SALL3: variants seen among roughly 807,000 people sequenced by gnomAD.
The protein encoded by SALL3 is sal-like protein 3.
A neutral mutation model predicts 66.2 loss-of-function variants in SALL3; 25 were observed. That is an observed-to-expected ratio of 0.38 (90% CI 0.28 to 0.53). The LOEUF is 0.53. SALL3 is among the 20% of genes least tolerant of loss of function. The pLI is 0.85. For synonymous variants in SALL3, 1,152 were observed against 899.1 expected, an observed-to-expected ratio of 1.28 and a Z score of -5.03; for missense variants, 2,194 against 1,916.5, an observed-to-expected ratio of 1.14 and a Z score of -2.70.
rs1206529921 is a variant in SALL3 at position 78,993,180 on chromosome 18, C to T, written c.1189C>T (p.Arg397Cys). Residue 397 changes from arginine to cysteine, a missense_variant, in exon 2 of 3, where the codon CGC (arginine) becomes TGC (cysteine). Arg to Cys is a radical substitution (Grantham distance 180). Coordinates refer to ENST00000537592, the MANE Select transcript of SALL3 (RefSeq NM_171999.4). The stretch of plus-strand genomic sequence containing the variant: ...CCCGCTGTCCGCGCTCATGAAGCAC[C>T]GCAAGGGCAAGCCGCCCAATGTGTC... The part of the protein sequence containing the change: ...LDPLSALMKH[R>C]KGKPPNVSVF... The T allele has an allele frequency of 1.9e-6, 3 of 1,609,916 alleles. No individual in the cohort carries two copies. The highest frequency in any genetic ancestry group is 2.2e-5 in the East Asian group (1 of 44,730).
intron 1 of SALL3, among the ~76,000 whole-genome samples, chr18:78,981,401 A>G (rs1914067140): frequency 6.6e-6 from 1 of 152,230 alleles, no homozygotes; most frequent in Admixed American, 6.5e-5. Flanking sequence ...CAGGCAGGCC[A>G]ACTTTTATGA....
chr18:78,984,242 A>G (rs549686034), intron 1 of SALL3, among the ~76,000 whole-genome samples: 2 of 152,334 alleles, frequency 1.3e-5, no homozygotes, highest in East Asian at 3.9e-4. Flanking sequence ...GGGGGAATTC[A>G]GCAAAAGCAC....
rs1914737758 is a variant in SALL3 at position 78,997,447 on chromosome 18, GC to G, written c.*127del. The G allele has an allele frequency of 4.2e-6, 4 of 959,184 alleles. No individual in the cohort carries two copies. Among genetic ancestry groups the G allele is most frequent in the Non-Finnish European group, 6.2e-6 (4 of 640,940 alleles). The allele number at this position is 959,184 out of a possible 1,614,324, so 59.4% of individuals were successfully genotyped here. ...ATAGCAGAAAACACTTTGTGCGGCT[GC>G]CGAGAGGTGGTCTTGTAAGCGCTGC... On this transcript the variant is annotated 3_prime_UTR_variant, in exon 3 of 3. Transcript: ENST00000537592.
chr18:78,993,458 C>G lies in SALL3; in HGVS notation c.1467C>G (p.Asp489Glu). ...MNPYPVPEYL[D>E]NVPTCSGIPY... ...CTTACCCGGTCCCCGAGTACCTGGACAACGTGCCCACCTGCTCGGGCATCC... is the reference window on the plus strand; with the variant it reads ...CTTACCCGGTCCCCGAGTACCTGGAGAACGTGCCCACCTGCTCGGGCATCC... The change falls in exon 2 of 3, where the codon GAC (aspartate) becomes GAG (glutamate). Residue 489 changes from aspartate (D) to glutamate (E), a missense_variant. Transcript: ENST00000537592. The G allele has an allele frequency of 6.2e-7, 1 of 1,612,966 alleles. No individual in the cohort carries two copies. The highest frequency in any genetic ancestry group is 8.5e-7 in the Non-Finnish European group (1 of 1,179,990).
rs189643321 is a variant in SALL3, at chr18:78,986,531, T to C, written c.83-5543T>C. Among the ~76,000 whole-genome samples the C allele has an allele frequency of 2.0e-4, 31 of 152,358 alleles. No individual in the cohort carries two copies. In the East Asian group the frequency reaches 5.6e-3, roughly 27 times the overall value. On this transcript the variant is annotated intron_variant, in intron 1 of 2. Transcript: ENST00000537592. The stretch of plus-strand genomic sequence containing the variant: ...GTATGTGATAATTCATCTTTCTTTA[T>C]GGGATTCAAAGCTATCATAAGGAGT...
rs1404988069 is a variant in SALL3 at position 78,992,224 on chromosome 18, C to T, written c.233C>T (p.Pro78Leu). ...EHQRSCTKLP[P>L]VLIVHEDAPA... The stretch of plus-strand genomic sequence containing the variant: ...CAGCGGAGCTGCACCAAGCTCCCGC[C>T]CGTGCTGATCGTGCACGAGGACGCG... The change falls in exon 2 of 3, where the codon CCC (proline) becomes CTC (leucine). Residue 78 changes from proline (P) to leucine (L), a missense_variant. Coordinates refer to ENST00000537592, the MANE Select transcript of SALL3 (RefSeq NM_171999.4). 5 of 1,605,624 alleles carry T rather than the reference C, an allele frequency of 3.1e-6. No individual in the cohort carries two copies. Among genetic ancestry groups the T allele is most frequent in the African/African-American group, 1.3e-5 (1 of 74,374 alleles).
In SALL3 at chr18:78,992,163, G is replaced by GC; in HGVS notation, c.174dup (p.Glu59ArgfsTer537). ...GACCAGCGTGTGCGAGAAATGCTGC[G>GC]CCGAGTTCTTCAAGTGGGCGGACTT... is the stretch of plus-strand genomic sequence containing the variant. On this transcript the variant is annotated frameshift_variant, in exon 2 of 3. Transcript: ENST00000537592. LOFTEE classifies it high-confidence loss of function. 6.2e-7 allele frequency: 1 copy of GC among 1,609,210 alleles called. No individual in the cohort carries two copies. Among genetic ancestry groups the GC allele is most frequent in the Non-Finnish European group, 8.5e-7 (1 of 1,178,670 alleles).
In SALL3 at chr18:78,980,076, A is replaced by T. The variant is rs972202897; in HGVS notation, c.-199A>T. 6.9e-6 allele frequency among the ~76,000 whole-genome samples: 1 copy of T among 145,332 alleles called. No homozygotes were observed. The highest frequency in any genetic ancestry group is 1.5e-5 in the Non-Finnish European group (1 of 65,608). On this transcript the variant is annotated 5_prime_UTR_variant, in exon 1 of 3. Transcript: ENST00000537592. The stretch of plus-strand genomic sequence containing the variant: ...TGCATAGGCCGCCGGAGTCCGCTGG[A>T]GCCCGGCCAATCGGCGCGGCCCTCC...
chr18:78,980,230 C>T lies in SALL3; in HGVS notation c.-45C>T. The T allele has an allele frequency of 3.0e-6, 3 of 1,016,020 alleles. No individual in the cohort carries two copies. Among genetic ancestry groups the T allele is most frequent in the Non-Finnish European group, 3.6e-6 (3 of 842,754 alleles). 62.9% of individuals were successfully genotyped at this position (1,016,020 alleles called of 1,614,324 possible). ...CCCGCGCCGTCCCCGCCGGCCGCCC[C>T]GCTGATGCCGCTGCCCCGCGCGGGG... is the stretch of plus-strand genomic sequence containing the variant. On this transcript the variant is annotated 5_prime_UTR_variant, in exon 1 of 3. Transcript: ENST00000537592.
intron 1 of SALL3, among the ~76,000 whole-genome samples, chr18:78,986,156 C>G (rs968399690): frequency 3.3e-5 from 5 of 152,244 alleles, no homozygotes; most frequent in Admixed American, 6.5e-5. Flanking sequence ...TGCTGTCCAG[C>G]TCCCATCTGC....
Position 78,992,961 on chromosome 18 carries a change from G to T in SALL3, c.970G>T (p.Ala324Ser), listed in dbSNP as rs2146215836. The T allele has an allele frequency of 8.4e-7, 1 of 1,185,446 alleles. No homozygotes were observed. Among genetic ancestry groups the T allele is most frequent in the Non-Finnish European group, 1.0e-6 (1 of 959,002 alleles). The allele number at this position is 1,185,446 out of a possible 1,614,324, so 73.4% of individuals were successfully genotyped here. The part of the protein sequence containing the change: ...PSAAPAPAAP[A>S]PAPAPQSAAS... ...CGCCGCCCCTGCCCCCGCTGCCCCC[G>T]CCCCGGCGCCAGCGCCGCAGAGCGC... Residue 324 changes from alanine to serine, a missense_variant, in exon 2 of 3, where the codon GCC (alanine) becomes TCC (serine). Ala to Ser is a moderately conservative substitution (Grantham distance 99, BLOSUM62 1). Transcript: ENST00000537592.
chr18:78,982,414 A>C (rs1914102697), intron 1 of SALL3, among the ~76,000 whole-genome samples: 1 of 152,196 alleles, frequency 6.6e-6, no homozygotes, highest in Non-Finnish European at 1.5e-5. Context: ...GAGGCCCAAA[A>C]TACCCTGTGT....
Position 78,980,152 on chromosome 18 carries a change from GCCCGCGCAGCCGCCGCCGCCCCGCGC to G in SALL3, c.-115_-90del. The G allele has an allele frequency of 5.7e-6, 1 of 176,552 alleles. No individual in the cohort carries two copies. The highest frequency in any genetic ancestry group is 2.0e-4 in the East Asian group (1 of 5,074). The allele number at this position is 176,552 out of a possible 1,614,324, so 10.9% of individuals were successfully genotyped here. ...GCCTAATTGCTCAGCCCCATGCGCGGCCCGCGCAGCCGCCGCCGCCCCGCGCCCCGCGCCGCGCGCCCGCCAGGCCG... is the reference window on the plus strand; with the variant it reads ...GCCTAATTGCTCAGCCCCATGCGCGGCCCGCGCCGCGCGCCCGCCAGGCCG... On this transcript the variant is annotated 5_prime_UTR_variant, in exon 1 of 3. An upstream open reading frame in the 5' UTR loses its in-frame stop. Transcript: ENST00000537592.
intron 1 of SALL3, among the ~76,000 whole-genome samples, chr18:78,982,125 A>C (rs1914093438): frequency 6.6e-6 from 1 of 152,228 alleles, no homozygotes; most frequent in African/African-American, 2.4e-5. Flanking sequence ...AGGCACTGCT[A>C]TTCATTTTTA....
In SALL3 at chr18:78,993,506, C is replaced by A. The variant is rs755937032; in HGVS notation, c.1515C>A (p.Pro505=). 1 of 1,603,574 alleles carries A rather than the reference C, an allele frequency of 6.2e-7. No homozygotes were observed. Among genetic ancestry groups the A allele is most frequent in the Non-Finnish European group, 8.5e-7 (1 of 1,176,592 alleles). Residue 505 remains proline (P), a synonymous_variant, in exon 2 of 3, where the codon CCC becomes CCA. Transcript: ENST00000537592. ...TCCCCTACGGCATGTCGCTGCCCCC[C>A]GAGAAGCCCGTGACCACCTGGCTGG... ...SGIPYGMSLP[P]EKPVTTWLDS... is the part of the protein sequence containing the mutation.
chr18:78,992,265 G>A lies in SALL3; in HGVS notation c.274G>A (p.Glu92Lys), dbSNP rs372089551. The A allele has an allele frequency of 1.0e-4, 162 of 1,565,072 alleles. No individual in the cohort carries two copies. The highest frequency in any genetic ancestry group is 1.3e-4 in the Non-Finnish European group (154 of 1,162,578). Residue 92 changes from glutamate (E) to lysine (K), a missense_variant, in exon 2 of 3, where the codon GAG becomes AAG. Coordinates refer to ENST00000537592, the MANE Select transcript of SALL3 (RefSeq NM_171999.4). ...CGAGGACGCGCCCGCGCCGCCCCCCGAGGACTTCCCCGAGCCTTCGCCCGC... is the reference window on the plus strand; with the variant it reads ...CGAGGACGCGCCCGCGCCGCCCCCCAAGGACTTCCCCGAGCCTTCGCCCGC... ...VHEDAPAPPP[E>K]DFPEPSPASS...
intron 1 of SALL3, among the ~76,000 whole-genome samples, chr18:78,986,701 G>A (rs1425490681): frequency 1.3e-5 from 2 of 152,192 alleles, no homozygotes; most frequent in African/African-American, 2.4e-5. Flanking sequence ...GCATTTTAAA[G>A]TTACTCATTG....
rs755479766 is a variant in SALL3 at position 78,994,378 on chromosome 18, A to G, written c.2387A>G (p.Tyr796Cys). 6.8e-6 allele frequency: 11 copies of G among 1,613,256 alleles called. No homozygotes were observed. Among genetic ancestry groups the G allele is most frequent in the South Asian group, 3.3e-5 (3 of 91,088 alleles). Reference sequence around the variant, plus strand: ...AAGAACGCGGAGACCCTGAGCAGCTACGATGACGACATGGACGAGAACTCC... The same window carrying G: ...AAGAACGCGGAGACCCTGAGCAGCTGCGATGACGACATGGACGAGAACTCC... ...DDKNAETLSS[Y>C]DDDMDENSME... is the part of the protein sequence containing the mutation. Residue 796 changes from tyrosine (Y) to cysteine (C), a missense_variant, in exon 2 of 3, where the codon TAC (tyrosine) becomes TGC (cysteine). Tyr to Cys is a radical substitution (Grantham distance 194, BLOSUM62 -2). Coordinates refer to ENST00000537592, the MANE Select transcript of SALL3 (RefSeq NM_171999.4).
At chr18:78,983,023 T>C (rs1325695973) in intron 1 of SALL3, among the ~76,000 whole-genome samples, 2 of 152,170 alleles carry the variant, frequency 1.3e-5, no homozygotes, top group African/African-American at 4.8e-5. Flanking sequence ...TATACAAAAA[T>C]AACTGGTGCT....
Sources: gnomAD v4.1 joint callset for allele counts (sites outside exome capture counted in the v4.1 genomes callset) on GRCh38, gnomAD v4.1.1 for gene constraint, MANE v1.5 for transcripts, NCBI Gene and HGNC (gene_info 2026-07-23, HGNC 2026-07-21) for gene names.